The following ENPP2 variants were observed in gnomAD, a reference collection of about 807,000 sequenced individuals.
ENPP2 encodes the protein autotaxin.
ENPP2 carries 51 observed loss-of-function variants against 120.2 expected under a neutral mutation model. The observed-to-expected ratio is 0.42, with a 90% CI of 0.34 to 0.54. ENPP2 has a LOEUF of 0.54. Ranked by LOEUF, ENPP2 falls within the 20% of genes least tolerant of loss-of-function variation. The pLI, the probability that ENPP2 is intolerant of heterozygous loss-of-function variation, is 0.04. For missense variants in ENPP2, 920 were observed against 1,066.5 expected (o/e 0.86, Z 1.91); for synonymous variants, 365 against 366.4 (o/e 1.00, Z 0.04).
At chr8:119,598,045 T>A (rs1297947488) in intron 11 of ENPP2, among the ~76,000 whole-genome samples, 2 of 152,220 alleles carry the variant, frequency 1.3e-5, no homozygotes, top group Non-Finnish European at 2.9e-5. Context: ...TTTTCATGTA[T>A]AATAAGTGTA....
intron 9 of ENPP2, among the ~76,000 whole-genome samples, chr8:119,606,822 T>G (rs763864583): frequency 6.7e-6 from 1 of 148,474 alleles, no homozygotes; most frequent in Non-Finnish European, 1.5e-5. Context: ...TTGTTAGGCA[T>G]ACAGGCAAAT....
At chr8:119,655,441 C>A (rs945463073) in intron 1 of ENPP2, among the ~76,000 whole-genome samples, 2 of 152,142 alleles carry the variant, frequency 1.3e-5, no homozygotes, top group African/African-American at 4.8e-5. Flanking sequence ...TGCTGAAAAT[C>A]TGGACTCTCT....
chr8:119,572,321 A>C, intron 19 of ENPP2: 1 of 1,117,994 alleles, frequency 8.9e-7, no homozygotes, highest in Non-Finnish European at 1.3e-6. Context: ...CATGGTTACC[A>C]CACACAGTCC....
intron 1 of ENPP2, among the ~76,000 whole-genome samples, chr8:119,652,755 T>A (rs916399294): frequency 6.6e-6 from 1 of 152,182 alleles, no homozygotes; most frequent in Non-Finnish European, 1.5e-5. Context: ...ATTCCAGTGA[T>A]AGGTAGCTGC....
rs150883544 is a variant in ENPP2, at chr8:119,627,952, T to C, written c.137-1232A>G. Among the ~76,000 whole-genome samples, 603 of 150,534 alleles carry C rather than the reference T, an allele frequency of 4.0e-3. 4 individuals are homozygous for C. The highest frequency in any genetic ancestry group is 6.0e-3 in the Non-Finnish European group (405 of 67,670). ...AAAAATATCAATATTATAAAAATAT[T>C]AATTCTTCCTAAACAAACCAGAAGA... On this transcript the variant is annotated intron_variant, in intron 2 of 24. Coordinates refer to ENST00000075322, the MANE Select transcript of ENPP2 (RefSeq NM_001040092.3).
At chr8:119,607,878 A>G in intron 9 of ENPP2, 44 bp downstream of exon 9, 1 of 1,183,292 alleles carries the variant, frequency 8.5e-7, no homozygotes, top group South Asian at 1.3e-5. Flanking sequence ...AAATTGAATC[A>G]TAGCTGTCAT....
intron 1 of ENPP2, among the ~76,000 whole-genome samples, chr8:119,668,239 TCTAG>T (rs1303707950): frequency 6.6e-6 from 1 of 152,146 alleles, no homozygotes; most frequent in Non-Finnish European, 1.5e-5. Flanking sequence ...GTCTCCAACA[TCTAG>T]CAGAGTGGTT....
At chr8:119,619,333 T>C (rs201984310) in intron 4 of ENPP2, 29 bp from the exon 5 acceptor site, 3 of 1,463,112 alleles carry the variant, frequency 2.1e-6, no homozygotes, top group East Asian at 4.5e-5. Flanking sequence ...AAATGTATTG[T>C]TGAATCTAAT....
intron 11 of ENPP2, among the ~76,000 whole-genome samples, chr8:119,595,436 C>A (rs1813817381): frequency 6.6e-6 from 1 of 152,128 alleles, no homozygotes; most frequent in Admixed American, 6.5e-5. Flanking sequence ...AAGGTACAGA[C>A]CCCTAATCTA....
At chr8:119,648,257 C>T (rs1003960184) in intron 1 of ENPP2, among the ~76,000 whole-genome samples, 1 of 152,198 alleles carries the variant, frequency 6.6e-6, no homozygotes, top group Admixed American at 6.5e-5. Context: ...GTGTCATCTG[C>T]TATCGTGCTC....
intron 1 of ENPP2, among the ~76,000 whole-genome samples, chr8:119,644,711 A>G (rs2130859519): frequency 6.7e-6 from 1 of 148,778 alleles, no homozygotes; most frequent in South Asian, 2.1e-4. Flanking sequence ...AACACTAAAA[A>G]TGCATTTATT....
chr8:119,611,328 A>G (rs150383697), intron 8 of ENPP2, among the ~76,000 whole-genome samples: 1 of 152,374 alleles, frequency 6.6e-6, no homozygotes, highest in African/African-American at 2.4e-5. Flanking sequence ...GCTAGGATAA[A>G]CAGAATTCTA....
At chr8:119,596,482 C>T (rs1381577663) in intron 11 of ENPP2, among the ~76,000 whole-genome samples, 1 of 152,206 alleles carries the variant, frequency 6.6e-6, no homozygotes, top group Non-Finnish European at 1.5e-5. Context: ...AGTTATCTTT[C>T]TGTTCACGTC....
At chr8:119,583,674 A>T in intron 17 of ENPP2, 43 bp downstream of exon 17, 1 of 1,083,918 alleles carries the variant, frequency 9.2e-7, no homozygotes, top group Non-Finnish European at 1.4e-6. Context: ...ATATATACTA[A>T]CTAAAGATTG....
At chr8:119,572,407 G>A (rs1307991726) in intron 19 of ENPP2, among the ~76,000 whole-genome samples, 6 of 152,088 alleles carry the variant, frequency 3.9e-5, no homozygotes, top group Admixed American at 2.6e-4. Context: ...GTTCCCATAC[G>A]CAATACCCCT....
At chr8:119,661,687 G>T (rs1020409185) in intron 1 of ENPP2, among the ~76,000 whole-genome samples, 9 of 152,158 alleles carry the variant, frequency 5.9e-5, no homozygotes, top group Non-Finnish European at 1.0e-4. Flanking sequence ...CAAAGGAAAT[G>T]AAATCAGCAC....
intron 1 of ENPP2, among the ~76,000 whole-genome samples, chr8:119,668,236 A>G (rs1036191092): frequency 1.1e-4 from 17 of 152,126 alleles, no homozygotes; most frequent in African/African-American, 3.4e-4. Flanking sequence ...GTTGTCTCCA[A>G]CATCTAGCAG....
intron 2 of ENPP2, among the ~76,000 whole-genome samples, chr8:119,630,160 G>A (rs1259690924): frequency 6.6e-6 from 1 of 151,660 alleles, no homozygotes; most frequent in Non-Finnish European, 1.5e-5. Flanking sequence ...CCAGGCTGGA[G>A]TGCAATGGTG....
intron 1 of ENPP2, among the ~76,000 whole-genome samples, chr8:119,653,664 G>C (rs988091233): frequency 3.2e-5 from 4 of 125,988 alleles, no homozygotes; most frequent in Admixed American, 1.5e-4. Context: ...GACCCTACAG[G>C]CCATAATGGA....
Sources: allele counts gnomAD v4.1 joint callset (sites outside exome capture counted in the v4.1 genomes callset), GRCh38; gene constraint gnomAD v4.1.1; transcripts MANE v1.5; gene names NCBI Gene and HGNC (gene_info 2026-07-23, HGNC 2026-07-21).